The following ADAMTS18 variants were observed in gnomAD, a reference collection of about 807,000 sequenced individuals.
ADAMTS18 encodes the protein A disintegrin and metalloproteinase with thrombospondin motifs 18.
A neutral mutation model predicts 165.9 loss-of-function variants in ADAMTS18; 157 were observed. That is an observed-to-expected ratio of 0.95 (90% CI 0.83 to 1.08). The LOEUF (loss-of-function observed/expected upper bound fraction) is 1.08, where lower values mean the gene tolerates loss of function less well. Ranked by LOEUF, ADAMTS18 falls within the 50% of genes least tolerant of loss-of-function variation. ADAMTS18 has a pLI of 0.00. For missense variants in ADAMTS18, 2,040 were observed against 1,534.0 expected (o/e 1.33, Z -5.51); for synonymous variants, 782 against 578.2 (o/e 1.35, Z -5.06).
intron 3 of ADAMTS18, among the ~76,000 whole-genome samples, chr16:77,409,869 T>G (rs2057438654): frequency 6.6e-6 from 1 of 152,190 alleles, no homozygotes; most frequent in African/African-American, 2.4e-5. Context: ...CTTTAAGACC[T>G]ATAGTGCTAG....
intron 11 of ADAMTS18, 67 bp downstream of exon 11, chr16:77,341,637 A>T: frequency 1.6e-6 from 2 of 1,281,168 alleles, no homozygotes; most frequent in Non-Finnish European, 2.2e-6. Flanking sequence ...AGGTCACAAT[A>T]CAAACAGTTT....
chr16:77,335,799 C>T lies in ADAMTS18; in HGVS notation c.1816G>A (p.Gly606Ser). The T allele has an allele frequency of 1.9e-6, 3 of 1,614,218 alleles. No individual in the cohort carries two copies. The highest frequency in any genetic ancestry group is 1.7e-6 in the Non-Finnish European group (2 of 1,180,044). The change falls in exon 12 of 23, where the codon GGT (glycine) becomes AGT (serine). Residue 606 changes from glycine to serine, a missense_variant. Coordinates refer to ENST00000282849, the MANE Select transcript of ADAMTS18 (RefSeq NM_199355.4). ...SKWSECSRTC[G>S]GGVKFQERHC... ...CTCTCCTGGAACTTGACTCCTCCACCACATGTCCGGGAACATTCTGACCAC... is the reference window on the plus strand; with the variant it reads ...CTCTCCTGGAACTTGACTCCTCCACTACATGTCCGGGAACATTCTGACCAC...
intron 3 of ADAMTS18, among the ~76,000 whole-genome samples, chr16:77,423,136 A>G (rs2057625312): frequency 6.6e-6 from 1 of 152,278 alleles, no homozygotes; most frequent in African/African-American, 2.4e-5. Context: ...CCTTACTAAA[A>G]AATATCCTAC....
At chr16:77,295,440 G>C (rs1279624780) in intron 18 of ADAMTS18, among the ~76,000 whole-genome samples, 1 of 152,122 alleles carries the variant, frequency 6.6e-6, no homozygotes, top group East Asian at 1.9e-4. Flanking sequence ...ATGTGTCAGG[G>C]ACTCTCCTAA....
At chr16:77,299,190 A>G (rs542341326) in intron 17 of ADAMTS18, among the ~76,000 whole-genome samples, 37 of 152,326 alleles carry the variant, frequency 2.4e-4, no homozygotes, top group African/African-American at 7.2e-4. Flanking sequence ...AATGATACTC[A>G]CGGTATGTGA....
At chr16:77,344,567 T>C (rs887942089) in intron 10 of ADAMTS18, among the ~76,000 whole-genome samples, 1 of 152,098 alleles carries the variant, frequency 6.6e-6, no homozygotes, top group Non-Finnish European at 1.5e-5. Context: ...AGAACTAAAT[T>C]GTTTTTCTTC....
At chr16:77,331,158 A>G (rs1287492110) in intron 12 of ADAMTS18, among the ~76,000 whole-genome samples, 2 of 152,196 alleles carry the variant, frequency 1.3e-5, no homozygotes, top group African/African-American at 4.8e-5. Context: ...AAATTACAAT[A>G]TGTTGTTTCC....
At position 77,300,319 on chromosome 16, in the gene ADAMTS18, C is replaced by G. The variant is rs141026455; in HGVS notation, c.2618G>C (p.Arg873Thr). The G allele has an allele frequency of 1.6e-4, 261 of 1,614,058 alleles. No individual in the cohort carries two copies. The African/African-American group carries it at 2.9e-3, about 18-fold the overall frequency. The change falls in exon 17 of 23, where the codon AGA (arginine) becomes ACA (threonine). Residue 873 changes from arginine (R) to threonine (T), a missense_variant. Coordinates refer to ENST00000282849, the MANE Select transcript of ADAMTS18 (RefSeq NM_199355.4). ...CACGATACTCCAGGTATAGGCAGGTCTTTTTGTGGCTGGTGGAGTTCCATT... is the reference window on the plus strand; with the variant it reads ...CACGATACTCCAGGTATAGGCAGGTGTTTTTGTGGCTGGTGGAGTTCCATT... Reference protein sequence around the residue: ...VMNGTPPATKRPAYTWSIVQS... With the variant: ...VMNGTPPATKTPAYTWSIVQS...
intron 3 of ADAMTS18, among the ~76,000 whole-genome samples, chr16:77,404,637 G>C (rs544727868): frequency 9.2e-5 from 14 of 152,146 alleles, no homozygotes; most frequent in Non-Finnish European, 1.9e-4. Context: ...TTCTGTTTGT[G>C]TAATGAAAGG....
chr16:77,407,194 C>A (rs1597236399), intron 3 of ADAMTS18, among the ~76,000 whole-genome samples: 1 of 151,858 alleles, frequency 6.6e-6, no homozygotes. Context: ...TTATTTATAC[C>A]TATCTGTAGC....
chr16:77,334,752 ACTATAG>A (rs1440229230), intron 12 of ADAMTS18, among the ~76,000 whole-genome samples: 2 of 112,292 alleles, frequency 1.8e-5, no homozygotes, highest in African/African-American at 3.4e-5. Flanking sequence ...TATACTGTAT[ACTATAG>A]TATACAGTAT....
intron 3 of ADAMTS18, among the ~76,000 whole-genome samples, chr16:77,415,671 C>T (rs1285726999): frequency 7.4e-6 from 1 of 136,006 alleles, no homozygotes; most frequent in Admixed American, 8.2e-5. Context: ...AGGGTAGATC[C>T]TTAAGGAAAG....
At chr16:77,349,524 T>TAAACAAAAAA (rs2056524843) in intron 10 of ADAMTS18, among the ~76,000 whole-genome samples, 1 of 71,518 alleles carries the variant, frequency 1.4e-5, no homozygotes. Context: ...TCATCTTATG[T>TAAACAAAAAA]AAAAAAAAAA....
At position 77,329,300 on chromosome 16, in the gene ADAMTS18, G is replaced by A. The variant is rs187558952; in HGVS notation, c.1860-3262C>T. On this transcript the variant is annotated intron_variant, in intron 12 of 22. Transcript: ENST00000282849. Reference sequence around the variant, plus strand: ...TTTAAAATTTTTATACAGATGAGGGGCTGTGTTGCCCAGGCTGGTCTCAAA... The same window carrying A: ...TTTAAAATTTTTATACAGATGAGGGACTGTGTTGCCCAGGCTGGTCTCAAA... Among the ~76,000 whole-genome samples the A allele has an allele frequency of 1.1e-3, 160 of 152,122 alleles. 2 individuals carry two copies. Among genetic ancestry groups the A allele is most frequent in the African/African-American group, 3.4e-3 (142 of 41,524 alleles).
intron 3 of ADAMTS18, among the ~76,000 whole-genome samples, chr16:77,428,112 C>T (rs1176628040): frequency 6.6e-6 from 1 of 152,174 alleles, no homozygotes; most frequent in African/African-American, 2.4e-5. Flanking sequence ...GACCCTAAGG[C>T]CAGTGGTCTG....
rs183096578 is a variant in ADAMTS18, at chr16:77,434,386, G to T, written c.178+32C>A. On this transcript the variant is annotated intron_variant, in intron 2 of 22. Transcript: ENST00000282849. ...AGGAAGGGTCAAAGTGCTGCGAAAG[G>T]CCCTTCTTGGGGATGGGGGGCAAAT... 6 of 1,550,810 alleles carry T rather than the reference G, an allele frequency of 3.9e-6. No individual in the cohort carries two copies. In the South Asian group the frequency reaches 5.9e-5, roughly 15 times the overall value.
chr16:77,371,074 G>T (rs1436342284), intron 3 of ADAMTS18, among the ~76,000 whole-genome samples: 1 of 152,070 alleles, frequency 6.6e-6, no homozygotes, highest in Non-Finnish European at 1.5e-5. Flanking sequence ...TATTAGCCAG[G>T]TGTGGTGGTG....
At chr16:77,334,568 T>C (rs2056258653) in intron 12 of ADAMTS18, among the ~76,000 whole-genome samples, 2 of 112,602 alleles carry the variant, frequency 1.8e-5, no homozygotes, top group African/African-American at 7.2e-5. Context: ...TATAGTAGTA[T>C]ATATAGTATA....
intron 16 of ADAMTS18, among the ~76,000 whole-genome samples, chr16:77,305,505 A>G (rs2055664995): frequency 6.6e-6 from 1 of 152,204 alleles, no homozygotes; most frequent in Non-Finnish European, 1.5e-5. Context: ...ATTAAACCAA[A>G]GGGCGCTTCT....
Sources: gnomAD v4.1 joint callset for allele counts (sites outside exome capture counted in the v4.1 genomes callset) on GRCh38, gnomAD v4.1.1 for gene constraint, MANE v1.5 for transcripts, NCBI Gene and HGNC (gene_info 2026-07-23, HGNC 2026-07-21) for gene names.